Variants in EIF1 observed in about 807,000 individuals in gnomAD.
EIF1 encodes eukaryotic translation initiation factor 1.
A neutral mutation model predicts 13.7 loss-of-function variants in EIF1; 4 were observed. The ratio of observed to expected loss-of-function variants is 0.29; its 90% confidence interval spans 0.14 to 0.67. EIF1 has a LOEUF of 0.67. Ranked by LOEUF, EIF1 falls within the 30% of genes least tolerant of loss-of-function variation. EIF1 has a pLI of 0.77. For synonymous variants in EIF1, 67 were observed against 50.7 expected (o/e 1.32, Z -1.37); for missense variants, 64 against 138.0 (o/e 0.46, Z 2.69).
chr17:41,689,348 C>G (rs572214328), intron 1 of EIF1: 1 of 566,094 alleles, frequency 1.8e-6, no homozygotes, highest in Non-Finnish European at 3.1e-6. Context: ...ACACCCGCCC[C>G]TCCCGTCACC....
intron 1 of EIF1, 74 bp from the exon 2 acceptor site, chr17:41,689,704 C>T (rs1338293532): frequency 2.7e-6 from 4 of 1,461,956 alleles, no homozygotes; most frequent in South Asian, 2.7e-5. Context: ...ACGCGCAAAA[C>T]ACCTGGGGAC....
intron 3 of EIF1, 44 bp from the exon 4 acceptor site, chr17:41,690,738 T>C (rs1910351627): frequency 6.2e-7 from 1 of 1,609,210 alleles, no homozygotes; most frequent in Non-Finnish European, 8.5e-7. Context: ...AGGCTTTAAC[T>C]CTCCCTGTCC....
In EIF1 at chr17:41,691,405, A is replaced by T. The variant is rs553403966; in HGVS notation, c.*579A>T. ...CGACCAGACATATCCTAGCTAAGGG[A>T]TGTCCAAACATCAGAATGTGAGGCC... On this transcript the variant is annotated 3_prime_UTR_variant, in exon 4 of 4. Coordinates refer to ENST00000469257, the MANE Select transcript of EIF1 (RefSeq NM_005801.4). 1 of 157,994 alleles carries T rather than the reference A, an allele frequency of 6.3e-6. No homozygotes were observed. The highest frequency in any genetic ancestry group is 1.4e-5 in the Non-Finnish European group (1 of 71,874). The allele number at this position is 157,994 out of a possible 1,614,324, so 9.8% of individuals were successfully genotyped here. A position where few individuals can be genotyped will look rare whatever the true frequency, so the allele number is the denominator to read the frequency against.
Position 41,691,077 on chromosome 17 carries a change from G to GA in EIF1, c.*251_*252insA. On this transcript the variant is annotated 3_prime_UTR_variant, in exon 4 of 4. Coordinates refer to ENST00000469257, the MANE Select transcript of EIF1 (RefSeq NM_005801.4). ...CTGGCAGTGTCAAGCCTGAAACCAA[G>GA]CAATACCGTCATGTTTCAGCCAAGC... 1.8e-6 allele frequency: 1 copy of GA among 564,414 alleles called. No individual in the cohort carries two copies. The highest frequency in any genetic ancestry group is 3.2e-6 in the Non-Finnish European group (1 of 315,338). 35.0% of individuals were successfully genotyped at this position (564,414 alleles called of 1,614,324 possible).
chr17:41,690,234 C>T, intron 3 of EIF1, 45 bp downstream of exon 3: 1 of 1,522,216 alleles, frequency 6.6e-7, no homozygotes, highest in Non-Finnish European at 9.1e-7. Flanking sequence ...GCTGGCAAAT[C>T]TCAGATCCTG....
rs989408859 is a variant in EIF1, at chr17:41,692,152, C to G, written c.*1326C>G. ...GTCATGCTGTGCTGTTAATCAGTGT[C>G]CTGGAGAATGGGTTGCTTGGAAATC... is the stretch of plus-strand genomic sequence containing the variant. On this transcript the variant is annotated 3_prime_UTR_variant, in exon 4 of 4. Coordinates refer to ENST00000469257, the MANE Select transcript of EIF1 (RefSeq NM_005801.4). 7.2e-5 allele frequency: 11 copies of G among 152,176 alleles called. No individual in the cohort carries two copies. Among genetic ancestry groups the G allele is most frequent in the African/African-American group, 2.7e-4 (11 of 41,410 alleles). 9.4% of individuals were successfully genotyped at this position (152,176 alleles called of 1,614,324 possible).
chr17:41,690,400 C>A, intron 3 of EIF1: 2 of 573,460 alleles, frequency 3.5e-6, no homozygotes, highest in South Asian at 4.5e-5. Context: ...ATCTACTTCA[C>A]AGATGCAAAT....
intron 1 of EIF1, chr17:41,689,404 A>G: frequency 1.9e-6 from 1 of 515,738 alleles, no homozygotes; most frequent in South Asian, 2.4e-5. Flanking sequence ...ACGGATCCGG[A>G]GGGAAAGGCG....
At position 41,688,897 on chromosome 17, in the gene EIF1, G is replaced by A. The variant is rs1373629216; in HGVS notation, c.-142G>A. ...GCACCGCCCCTCTGCCCCAGTCACTGAGCCGCCGCCGAGGATTCAGCAGCC... is the reference window on the plus strand; with the variant it reads ...GCACCGCCCCTCTGCCCCAGTCACTAAGCCGCCGCCGAGGATTCAGCAGCC... On this transcript the variant is annotated 5_prime_UTR_variant, in exon 1 of 4. Transcript: ENST00000469257. The A allele has an allele frequency of 3.7e-6, 3 of 803,888 alleles. No individual in the cohort carries two copies. Among genetic ancestry groups the A allele is most frequent in the Non-Finnish European group, 6.0e-6 (3 of 497,688 alleles). The allele number at this position is 803,888 out of a possible 1,614,324, so 49.8% of individuals were successfully genotyped here. A position where few individuals can be genotyped will look rare whatever the true frequency, so the allele number is the denominator to read the frequency against.
chr17:41,690,253 C>A, intron 3 of EIF1, 64 bp downstream of exon 3: 2 of 1,421,252 alleles, frequency 1.4e-6, no homozygotes, highest in Non-Finnish European at 2.0e-6. Context: ...TGTCTGTTAG[C>A]TTCTGCTGGG....
chr17:41,689,319 T>C, intron 1 of EIF1: 2 of 588,090 alleles, frequency 3.4e-6, no homozygotes, highest in South Asian at 4.0e-5. Flanking sequence ...TACTAATGGC[T>C]CCTGGGCCTC....
chr17:41,689,706 C>T (rs572348920), intron 1 of EIF1, 72 bp from the exon 2 acceptor site: 3 of 1,476,618 alleles, frequency 2.0e-6, no homozygotes, highest in Non-Finnish European at 1.8e-6. Context: ...GCGCAAAACA[C>T]CTGGGGACCG....
At chr17:41,689,356 A>G (rs1052648809) in intron 1 of EIF1, 8 of 558,166 alleles carry the variant, frequency 1.4e-5, no homozygotes, top group Admixed American at 1.0e-4. Flanking sequence ...CCCTCCCGTC[A>G]CCATTGCGTC....
At chr17:41,690,759 A>T (rs754945660) in intron 3 of EIF1, 23 bp from the exon 4 acceptor site, 1 of 1,613,630 alleles carries the variant, frequency 6.2e-7, no homozygotes, top group African/African-American at 1.3e-5. Context: ...CCCATTTAAA[A>T]CTTTGCCCTT....
intron 1 of EIF1, 95 bp from the exon 2 acceptor site, chr17:41,689,683 T>C (rs1567766565): frequency 7.6e-7 from 1 of 1,311,746 alleles, no homozygotes; most frequent in Middle Eastern, 2.7e-4. Flanking sequence ...GATTTCAGTG[T>C]TGTTTTCTGC....
chr17:41,689,466 C>T (rs1238711183), intron 1 of EIF1: 1 of 461,210 alleles, frequency 2.2e-6, no homozygotes, highest in Non-Finnish European at 3.9e-6. Flanking sequence ...GGAGGCTTAG[C>T]CCCGCCTCGG....
Position 41,689,874 on chromosome 17 carries a change from C to T in EIF1, c.128C>T (p.Thr43Ile). ...IRIQQRNGRK[T>I]LTTVQGIADD... The stretch of plus-strand genomic sequence containing the variant: ...ATTCAACAGAGAAACGGCAGGAAGA[C>T]CCTTACTACTGTCCAAGGGATCGCT... Residue 43 changes from threonine (T) to isoleucine (I), a missense_variant, in exon 2 of 4, where the codon ACC becomes ATC. Thr to Ile is a moderately conservative substitution (Grantham distance 89). Transcript: ENST00000469257. The T allele has an allele frequency of 6.2e-7, 1 of 1,613,976 alleles. No individual in the cohort carries two copies. Among genetic ancestry groups the T allele is most frequent in the Non-Finnish European group, 8.5e-7 (1 of 1,179,936 alleles).
chr17:41,690,967 T>C lies in EIF1; in HGVS notation c.*141T>C, dbSNP rs780812323. 1 of 837,842 alleles carries C rather than the reference T, an allele frequency of 1.2e-6. No individual in the cohort carries two copies. Among genetic ancestry groups the C allele is most frequent in the East Asian group, 2.5e-5 (1 of 40,112 alleles). 51.9% of individuals were successfully genotyped at this position (837,842 alleles called of 1,614,324 possible). ...GGTCCGCTTTTAACTTGGACTAGTG[T>C]AACTCCTTCATGCAATAAACTGAAA... On this transcript the variant is annotated 3_prime_UTR_variant, in exon 4 of 4. Transcript: ENST00000469257.
chr17:41,690,430 A>G (rs1413559404), intron 3 of EIF1: 3 of 555,846 alleles, frequency 5.4e-6, no homozygotes, highest in Non-Finnish European at 6.3e-6. Context: ...ATATAGATGC[A>G]TTGTAAAATA....
Sources: gnomAD v4.1 joint callset for allele counts on GRCh38, gnomAD v4.1.1 for gene constraint, MANE v1.5 for transcripts, NCBI Gene and HGNC (gene_info 2026-07-23, HGNC 2026-07-21) for gene names.